The following MYO1D variants were observed in gnomAD, a reference collection of about 807,000 sequenced individuals.
The protein encoded by MYO1D is unconventional myosin-Id.
MYO1D carries 83 observed loss-of-function variants against 122.0 expected under a neutral mutation model. That is an observed-to-expected ratio of 0.68 (90% CI 0.57 to 0.82). The LOEUF (loss-of-function observed/expected upper bound fraction) is 0.82, where lower values mean the gene tolerates loss of function less well. Ranked by LOEUF, MYO1D falls within the 40% of genes least tolerant of loss-of-function variation. The pLI is 0.00. For missense variants in MYO1D, 1,157 were observed against 1,269.5 expected, an observed-to-expected ratio of 0.91 and a Z score of 1.35; for synonymous variants, 464 against 446.9, an observed-to-expected ratio of 1.04 and a Z score of -0.48.
chr17:32,796,853 T>C (rs1053000507), intron 1 of MYO1D, among the ~76,000 whole-genome samples: 4 of 152,310 alleles, frequency 2.6e-5, no homozygotes, highest in African/African-American at 9.6e-5. Context: ...GGTACTGAGG[T>C]ATTTCACTCC....
intron 20 of MYO1D, among the ~76,000 whole-genome samples, chr17:32,613,324 C>A (rs995797605): frequency 1.3e-5 from 2 of 152,050 alleles, no homozygotes; most frequent in Non-Finnish European, 2.9e-5. Context: ...CCTGCTGAAT[C>A]TCTCTCTCAT....
intron 21 of MYO1D, among the ~76,000 whole-genome samples, chr17:32,575,238 G>A (rs1273809495): frequency 6.6e-6 from 1 of 152,170 alleles, no homozygotes; most frequent in Admixed American, 6.5e-5. Flanking sequence ...TTTTGGCCCA[G>A]CCAAACGTTC....
chr17:32,650,102 A>G (rs1284927270), intron 19 of MYO1D, among the ~76,000 whole-genome samples: 1 of 152,200 alleles, frequency 6.6e-6, no homozygotes, highest in East Asian at 1.9e-4. Context: ...TTCTGTCTGG[A>G]TGACTTCCTT....
chr17:32,616,390 C>A (rs1457227864), intron 20 of MYO1D, among the ~76,000 whole-genome samples: 1 of 152,082 alleles, frequency 6.6e-6, no homozygotes, highest in African/African-American at 2.4e-5. Flanking sequence ...ATGGCTCAAA[C>A]CTTGAGCTCC....
intron 2 of MYO1D, 128 bp downstream of exon 2, chr17:32,780,448 C>G (rs1158323980): frequency 1.2e-6 from 1 of 853,302 alleles, no homozygotes; most frequent in Non-Finnish European, 1.8e-6. Context: ...CATCACTTTT[C>G]TCTCTCCTAT....
intron 20 of MYO1D, among the ~76,000 whole-genome samples, chr17:32,631,691 A>G (rs1318839110): frequency 6.6e-6 from 1 of 152,120 alleles, no homozygotes; most frequent in Non-Finnish European, 1.5e-5. Context: ...AAATTTAAAT[A>G]TGTACTGAAT....
chr17:32,714,392 G>A (rs2089416749), intron 15 of MYO1D, among the ~76,000 whole-genome samples: 1 of 152,124 alleles, frequency 6.6e-6, no homozygotes, highest in Admixed American at 6.5e-5. Flanking sequence ...CCTGCAAAGG[G>A]CATTACCTCT....
At chr17:32,869,134 G>A (rs896078209) in intron 1 of MYO1D, among the ~76,000 whole-genome samples, 1 of 151,766 alleles carries the variant, frequency 6.6e-6, no homozygotes, top group African/African-American at 2.4e-5. Context: ...CATGAGAATC[G>A]CTTGAACCTG....
intron 1 of MYO1D, among the ~76,000 whole-genome samples, chr17:32,844,138 CAAGT>C (rs1446520643): frequency 6.7e-6 from 1 of 148,958 alleles, no homozygotes; most frequent in Admixed American, 6.7e-5. Context: ...TGTAACACAA[CAAGT>C]AACATATAAA....
In MYO1D at chr17:32,494,374, T is replaced by A; in HGVS notation, c.*385A>T. ...ATGGGGCTCCCGCAGAGTGGGGTCC[T>A]GCATCCCCACCCCTTCCCTCTGCAG... On this transcript the variant is annotated 3_prime_UTR_variant, in exon 22 of 22. Coordinates refer to ENST00000318217, the MANE Select transcript of MYO1D (RefSeq NM_015194.3). The A allele has an allele frequency of 5.5e-6, 1 of 181,634 alleles. No homozygotes were observed. The highest frequency in any genetic ancestry group is 1.2e-5 in the Non-Finnish European group (1 of 86,670). The allele number at this position is 181,634 out of a possible 1,614,324, so 11.3% of individuals were successfully genotyped here.
chr17:32,519,059 T>G (rs773412199), intron 21 of MYO1D: 2 of 152,396 alleles, frequency 1.3e-5, no homozygotes, highest in African/African-American at 2.4e-5. Context: ...TCTCACCAAG[T>G]GACACCGCTC....
intron 1 of MYO1D, among the ~76,000 whole-genome samples, chr17:32,869,630 T>C (rs1428936839): frequency 1.3e-5 from 2 of 152,214 alleles, no homozygotes; most frequent in Non-Finnish European, 2.9e-5. Flanking sequence ...GGTGAGAATG[T>C]CAACGAACAG....
At chr17:32,684,874 A>C (rs983608883) in intron 16 of MYO1D, among the ~76,000 whole-genome samples, 2 of 152,206 alleles carry the variant, frequency 1.3e-5, no homozygotes, top group African/African-American at 4.8e-5. Context: ...TTTACATAAA[A>C]ATTTCACTGA....
intron 11 of MYO1D, among the ~76,000 whole-genome samples, chr17:32,753,466 C>T (rs2089918217): frequency 6.6e-6 from 1 of 152,128 alleles, no homozygotes; most frequent in African/African-American, 2.4e-5. Context: ...AAGAAAGAGC[C>T]ACTTGGTCTG....
chr17:32,743,191 C>A (rs2089792086), intron 13 of MYO1D, among the ~76,000 whole-genome samples: 1 of 152,046 alleles, frequency 6.6e-6, no homozygotes, highest in Non-Finnish European at 1.5e-5. Context: ...GTCTTTTTAA[C>A]CTCTTCTCTT....
At chr17:32,689,529 A>G (rs1023512145) in intron 16 of MYO1D, among the ~76,000 whole-genome samples, 14 of 152,152 alleles carry the variant, frequency 9.2e-5, no homozygotes, top group African/African-American at 3.4e-4. Flanking sequence ...TAGCCACCAA[A>G]AGTATGACTC....
intron 20 of MYO1D, among the ~76,000 whole-genome samples, chr17:32,617,669 A>T (rs2087791266): frequency 6.6e-6 from 1 of 152,114 alleles, no homozygotes; most frequent in African/African-American, 2.4e-5. Context: ...TCGAACTCTT[A>T]GCCTCAGGTG....
intron 19 of MYO1D, among the ~76,000 whole-genome samples, chr17:32,645,913 AT>A (rs1396998008): frequency 6.6e-6 from 1 of 152,200 alleles, no homozygotes; most frequent in African/African-American, 2.4e-5. Flanking sequence ...CGTCAAAGTC[AT>A]TCTCCATCCA....
chr17:32,588,895 A>C (rs1239807195), intron 21 of MYO1D, among the ~76,000 whole-genome samples: 1 of 152,092 alleles, frequency 6.6e-6, no homozygotes, highest in African/African-American at 2.4e-5. Flanking sequence ...GTGAGCTGAG[A>C]TCCCACCACT....
Sources: gnomAD v4.1 joint callset for allele counts (sites outside exome capture counted in the v4.1 genomes callset) on GRCh38, gnomAD v4.1.1 for gene constraint, MANE v1.5 for transcripts, NCBI Gene and HGNC (gene_info 2026-07-23, HGNC 2026-07-21) for gene names.